Variants in PSMA6 observed in about 807,000 individuals in gnomAD.
PSMA6 encodes the protein proteasome 20S subunit alpha 6.
For synonymous variants in PSMA6, 88 were observed against 97.7 expected (o/e 0.90, Z 0.59); for missense variants, 170 against 294.8 (o/e 0.58, Z 3.10).
At chr14:35,302,528 T>C (rs973553568) in intron 1 of PSMA6, among the ~76,000 whole-genome samples, 1 of 152,196 alleles carries the variant, frequency 6.6e-6, no homozygotes, top group African/African-American at 2.4e-5. Context: ...TTCATTTTGC[T>C]TGGAGTTTTC....
chr14:35,313,011 A>G lies in PSMA6; in HGVS notation c.540A>G (p.Glu180=), dbSNP rs749617643. 4.4e-6 allele frequency: 7 copies of G among 1,580,922 alleles called. No individual in the cohort carries two copies. The South Asian group carries it at 8.2e-5, about 19-fold the overall frequency. Residue 180 remains glutamate (E), a synonymous_variant, in exon 5 of 7, where the codon GAA becomes GAG. Transcript: ENST00000261479. ...AAACTGAGTCAACCAGCTTCCTTGA[A>G]AAAAAAGTGAAGAAGAAATTTGATT... ...VKQTESTSFL[E]KKVKKKFDWT...
upstream of PSMA6, among the ~76,000 whole-genome samples, chr14:35,290,985 C>T (rs2051471387): frequency 7.3e-6 from 1 of 137,638 alleles, no homozygotes; most frequent in Non-Finnish European, 1.6e-5. Flanking sequence ...ATTTCAACCT[C>T]AGTTCCACAT....
intron 1 of PSMA6, among the ~76,000 whole-genome samples, chr14:35,283,545 T>C (rs560879739): frequency 2.7e-4 from 41 of 149,132 alleles, no homozygotes; most frequent in African/African-American, 7.8e-4. Flanking sequence ...GATGTTAGAC[T>C]AGAACTCTTT....
intron 1 of PSMA6, among the ~76,000 whole-genome samples, chr14:35,300,030 G>A (rs1237085607): frequency 6.6e-6 from 1 of 152,180 alleles, no homozygotes. Flanking sequence ...AGTAACAACT[G>A]AAAGAGTAAA....
chr14:35,309,122 T>G, intron 3 of PSMA6, 127 bp downstream of exon 3: 1 of 708,572 alleles, frequency 1.4e-6, no homozygotes, highest in Non-Finnish European at 2.4e-6. Flanking sequence ...ATGAGTGGAT[T>G]TGCAGTCTTC....
At position 35,317,094 on chromosome 14, in the gene PSMA6, G is replaced by C. The variant is rs1000196977; in HGVS notation, c.684-155G>C. On this transcript the variant is annotated intron_variant, in intron 6 of 6. Coordinates refer to ENST00000261479, the MANE Select transcript of PSMA6 (RefSeq NM_002791.3). ...TTCAAAATAATCTGAGGGAAGATAA[G>C]TGTGTGTATAGATTTTTTAAAGATT... The C allele has an allele frequency of 1.0e-5, 6 of 584,928 alleles. No homozygotes were observed. In the African/African-American group the frequency reaches 1.1e-4, roughly 11 times the overall value. The allele number at this position is 584,928 out of a possible 1,614,324, so 36.2% of individuals were successfully genotyped here. A position where few individuals can be genotyped will look rare whatever the true frequency, so the allele number is the denominator to read the frequency against.
intron 5 of PSMA6, chr14:35,313,688 C>T (rs565171167): frequency 3.7e-4 from 57 of 152,268 alleles, no homozygotes; most frequent in African/African-American, 1.3e-3. Context: ...TAAAAAAACA[C>T]TTAAGGTGGC....
At chr14:35,317,206 A>T (rs745857956) in intron 6 of PSMA6, 43 bp from the exon 7 acceptor site, 63 of 1,553,852 alleles carry the variant, frequency 4.1e-5, no homozygotes, top group Middle Eastern at 1.7e-4. Flanking sequence ...GTTTGAAAAA[A>T]TTTTTTTTAA....
intron 1 of PSMA6, among the ~76,000 whole-genome samples, chr14:35,286,263 C>G (rs1008156430): frequency 3.3e-5 from 5 of 152,194 alleles, no homozygotes; most frequent in Non-Finnish European, 1.5e-5. Context: ...TATGACCGTT[C>G]GCTTCTCCCA....
Position 35,317,234 on chromosome 14 carries a change from C to A in PSMA6, c.684-15C>A. ...TTTTTTAAATCGTTGTTTTTTTCCCCCTTTTGCCTTCTAGGATTCTTACAG... is the reference window on the plus strand; with the variant it reads ...TTTTTTAAATCGTTGTTTTTTTCCCACTTTTGCCTTCTAGGATTCTTACAG... On this transcript the variant is annotated splice_polypyrimidine_tract_variant and intron_variant, in intron 6 of 6. Transcript: ENST00000261479. 1 of 1,610,592 alleles carries A rather than the reference C, an allele frequency of 6.2e-7. No homozygotes were observed. Among genetic ancestry groups the A allele is most frequent in the Non-Finnish European group, 8.5e-7 (1 of 1,177,304 alleles).
intron 1 of PSMA6, among the ~76,000 whole-genome samples, chr14:35,280,545 C>T (rs2051355684): frequency 6.6e-6 from 1 of 151,682 alleles, no homozygotes; most frequent in Admixed American, 6.6e-5. Flanking sequence ...CCATGCCCAC[C>T]TAATTTTTGT....
chr14:35,292,269 C>T, upstream of PSMA6: 1 of 1,377,442 alleles, frequency 7.3e-7, no homozygotes. Context: ...AAAGGCCTCC[C>T]GCCCTCACTC....
intron 1 of PSMA6, among the ~76,000 whole-genome samples, chr14:35,302,776 A>T (rs2051740561): frequency 6.6e-6 from 1 of 151,676 alleles, no homozygotes; most frequent in Non-Finnish European, 1.5e-5. Context: ...TTCCTTTCTC[A>T]TCTCCATTCT....
chr14:35,281,482 C>T (rs954428213), intron 1 of PSMA6, among the ~76,000 whole-genome samples: 1 of 152,124 alleles, frequency 6.6e-6, no homozygotes, highest in African/African-American at 2.4e-5. Flanking sequence ...CTCAAAATGC[C>T]AGTTCTGATT....
At chr14:35,312,663 T>A in intron 4 of PSMA6, 3 of 448,488 alleles carry the variant, frequency 6.7e-6, no homozygotes, top group Non-Finnish European at 7.8e-6. Flanking sequence ...CTATTTTTTT[T>A]AATCTGTGAT....
chr14:35,306,429 T>A (rs1384255690), intron 1 of PSMA6, among the ~76,000 whole-genome samples: 1 of 151,962 alleles, frequency 6.6e-6, no homozygotes, highest in African/African-American at 2.4e-5. Context: ...TTGGGCCAGG[T>A]GCAGTGGCTC....
upstream of PSMA6, among the ~76,000 whole-genome samples, chr14:35,291,916 C>A (rs1225106295): frequency 6.6e-6 from 1 of 151,774 alleles, no homozygotes; most frequent in African/African-American, 2.4e-5. Flanking sequence ...AATGTTCTTT[C>A]CAGCGGCTGC....
chr14:35,287,859 G>A (rs2051437834), upstream of PSMA6, among the ~76,000 whole-genome samples: 2 of 152,230 alleles, frequency 1.3e-5, no homozygotes, highest in Admixed American at 6.5e-5. Context: ...GTCCACCTGA[G>A]TGAGTAGTTT....
chr14:35,296,287 G>A (rs999287909), intron 1 of PSMA6, among the ~76,000 whole-genome samples: 12 of 151,934 alleles, frequency 7.9e-5, no homozygotes, highest in African/African-American at 2.7e-4. Context: ...AACATTGCCC[G>A]GTATATATAG....
Sources: gnomAD v4.1 joint callset for allele counts (sites outside exome capture counted in the v4.1 genomes callset) on GRCh38, gnomAD v4.1.1 for gene constraint, MANE v1.5 for transcripts, NCBI Gene and HGNC (gene_info 2026-07-23, HGNC 2026-07-21) for gene names.